Variants in KRR1 observed in about 807,000 individuals in gnomAD.
KRR1 encodes KRR1 small subunit processome component.
A neutral mutation model predicts 50.0 loss-of-function variants in KRR1; 23 were observed. The observed-to-expected ratio is 0.46, with a 90% CI of 0.33 to 0.65. KRR1 has a LOEUF of 0.65. Ranked by LOEUF, KRR1 falls within the 30% of genes least tolerant of loss-of-function variation. KRR1 has a pLI of 0.02. For synonymous variants in KRR1, 133 were observed against 146.3 expected (o/e 0.91, Z 0.66); for missense variants, 419 against 442.4 (o/e 0.95, Z 0.47).
At position 75,499,431 on chromosome 12, in the gene KRR1, T is replaced by G. The variant is rs569457249; in HGVS notation, c.*378A>C. On this transcript the variant is annotated 3_prime_UTR_variant, in exon 10 of 10. Transcript: ENST00000229214. Reference sequence around the variant, plus strand: ...CTAGGGGATCTGATTTTAGAGGCCTTAATTTTCTGTTCATGGACTGTTAAA... The same window carrying G: ...CTAGGGGATCTGATTTTAGAGGCCTGAATTTTCTGTTCATGGACTGTTAAA... 3 of 160,768 alleles carry G rather than the reference T, an allele frequency of 1.9e-5. No individual in the cohort carries two copies. Among genetic ancestry groups the G allele is most frequent in the Non-Finnish European group, 4.0e-5 (3 of 74,330 alleles). 10.0% of individuals were successfully genotyped at this position (160,768 alleles called of 1,614,324 possible).
chr12:75,492,774 T>A lies in KRR1; in HGVS notation c.*7035A>T, dbSNP rs918900078. On this transcript the variant is annotated 3_prime_UTR_variant, in exon 10 of 10. Transcript: ENST00000229214. ...TGAGCTCCAAAGGAGAACAGGGCAG[T>A]CTCTGTCTTTATGAGAGTAATATTT... 1 of 152,144 alleles carries A rather than the reference T, an allele frequency of 6.6e-6. No homozygotes were observed. The highest frequency in any genetic ancestry group is 1.5e-5 in the Non-Finnish European group (1 of 68,030). The allele number at this position is 152,144 out of a possible 1,614,324, so 9.4% of individuals were successfully genotyped here.
Position 75,511,606 on chromosome 12 carries a change from T to C in KRR1, c.-9A>G, listed in dbSNP as rs1255747849. ...AGCGAGGGAGACGCCATTTGCAAGC[T>C]GCTTCCGGTGGCTCCGGAAATGAAA... is the stretch of plus-strand genomic sequence containing the variant. On this transcript the variant is annotated 5_prime_UTR_variant, in exon 1 of 10. Transcript: ENST00000229214. The C allele has an allele frequency of 6.2e-7, 1 of 1,609,700 alleles. No individual in the cohort carries two copies. The highest frequency in any genetic ancestry group is 1.7e-5 in the Admixed American group (1 of 57,738).
intron 3 of KRR1, 42 bp from the exon 4 acceptor site, chr12:75,506,651 T>A (rs1199247627): frequency 1.3e-6 from 2 of 1,546,490 alleles, no homozygotes; most frequent in East Asian, 4.6e-5. Flanking sequence ...TTATCAACAT[T>A]TTTTACAATT....
Position 75,496,415 on chromosome 12 carries a change from A to G in KRR1, c.*3394T>C, listed in dbSNP as rs1354006688. On this transcript the variant is annotated 3_prime_UTR_variant, in exon 10 of 10. Coordinates refer to ENST00000229214, the MANE Select transcript of KRR1 (RefSeq NM_007043.7). ...ACTTTTTATTAGCCAGACAGCATTT[A>G]ATGAAGAAGTGTAGAAGCTGCAAGC... 6.6e-6 allele frequency: 1 copy of G among 152,108 alleles called. No individual in the cohort carries two copies. The highest frequency in any genetic ancestry group is 1.9e-4 in the East Asian group (1 of 5,166). 9.4% of individuals were successfully genotyped at this position (152,108 alleles called of 1,614,324 possible). A position where few individuals can be genotyped will look rare whatever the true frequency, so the allele number is the denominator to read the frequency against.
rs952137357 is a variant in KRR1 at position 75,491,542 on chromosome 12, A to C, written c.*8267T>G. Reference sequence around the variant, plus strand: ...GAGATACTAGCACGTAAAGACTGTGACCATTTTTGTTTTAAGTACATATTG... The same window carrying C: ...GAGATACTAGCACGTAAAGACTGTGCCCATTTTTGTTTTAAGTACATATTG... On this transcript the variant is annotated 3_prime_UTR_variant, in exon 10 of 10. Coordinates refer to ENST00000229214, the MANE Select transcript of KRR1 (RefSeq NM_007043.7). 3 of 152,178 alleles carry C rather than the reference A, an allele frequency of 2.0e-5. No individual in the cohort carries two copies. The highest frequency in any genetic ancestry group is 7.2e-5 in the African/African-American group (3 of 41,434). 9.4% of individuals were successfully genotyped at this position (152,178 alleles called of 1,614,324 possible). A position where few individuals can be genotyped will look rare whatever the true frequency, so the allele number is the denominator to read the frequency against.
rs1026002303 is a variant in KRR1 at position 75,499,697 on chromosome 12, C to G, written c.*112G>C. 1 of 608,794 alleles carries G rather than the reference C, an allele frequency of 1.6e-6. No homozygotes were observed. Among genetic ancestry groups the G allele is most frequent in the Non-Finnish European group, 2.6e-6 (1 of 384,050 alleles). 37.7% of individuals were successfully genotyped at this position (608,794 alleles called of 1,614,324 possible). ...ACTCTTCTATGAACAACCACCACCA[C>G]CAAAAAAAAAAAAAGCCCTCAGAAA... is the stretch of plus-strand genomic sequence containing the variant. On this transcript the variant is annotated 3_prime_UTR_variant, in exon 10 of 10. Coordinates refer to ENST00000229214, the MANE Select transcript of KRR1 (RefSeq NM_007043.7).
Position 75,494,392 on chromosome 12 carries a change from A to G in KRR1, c.*5417T>C, listed in dbSNP as rs1221086820. On this transcript the variant is annotated 3_prime_UTR_variant, in exon 10 of 10. Coordinates refer to ENST00000229214, the MANE Select transcript of KRR1 (RefSeq NM_007043.7). ...AACGTGACTCTGACTTAGCAGTATCATCTTTGTAAATATCAGATATTTTCA... is the reference window on the plus strand; with the variant it reads ...AACGTGACTCTGACTTAGCAGTATCGTCTTTGTAAATATCAGATATTTTCA... The G allele has an allele frequency of 6.6e-6, 1 of 152,212 alleles. No individual in the cohort carries two copies. The highest frequency in any genetic ancestry group is 1.9e-4 in the East Asian group (1 of 5,190). The allele number at this position is 152,212 out of a possible 1,614,324, so 9.4% of individuals were successfully genotyped here. A position where few individuals can be genotyped will look rare whatever the true frequency, so the allele number is the denominator to read the frequency against.
chr12:75,500,747 A>T (rs1410212473), intron 9 of KRR1: 1 of 152,046 alleles, frequency 6.6e-6, no homozygotes. Flanking sequence ...CACAGCATAA[A>T]AGAATCATAA....
chr12:75,501,751 C>T lies in KRR1; in HGVS notation c.975G>A (p.Lys325=). ...CCTTAGGTTTCACAATTGGTTTTTC[C>T]TTAGGTGGAATAAATGCTTTGTTTC... ...EERNKAFIPP[K]EKPIVKPKEA... Residue 325 remains lysine, a synonymous_variant, in exon 9 of 10, where the codon AAG becomes AAA. Transcript: ENST00000229214. 1 of 1,610,440 alleles carries T rather than the reference C, an allele frequency of 6.2e-7. No homozygotes were observed. Among genetic ancestry groups the T allele is most frequent in the Non-Finnish European group, 8.5e-7 (1 of 1,177,896 alleles).
rs988929383 is a variant in KRR1 at position 75,498,277 on chromosome 12, G to C, written c.*1532C>G. ...GATTTAGTGATATACTAGACTGGATGAAAGAGAGGTCACTGTCTTTTCACT... is the reference window on the plus strand; with the variant it reads ...GATTTAGTGATATACTAGACTGGATCAAAGAGAGGTCACTGTCTTTTCACT... On this transcript the variant is annotated 3_prime_UTR_variant, in exon 10 of 10. Coordinates refer to ENST00000229214, the MANE Select transcript of KRR1 (RefSeq NM_007043.7). 1.3e-5 allele frequency: 2 copies of C among 156,092 alleles called. No homozygotes were observed. The highest frequency in any genetic ancestry group is 6.5e-5 in the Admixed American group (1 of 15,468). 9.7% of individuals were successfully genotyped at this position (156,092 alleles called of 1,614,324 possible).
Position 75,499,818 on chromosome 12 carries a change from T to TTTC in KRR1, c.1134_1136dup (p.Lys381dup). On this transcript the variant is annotated inframe_insertion, in exon 10 of 10. Coordinates refer to ENST00000229214, the MANE Select transcript of KRR1 (RefSeq NM_007043.7). Reference sequence around the variant, plus strand: ...AGGAGTTTTGGGTATGTTACTTTTTTTTCTTCTTTTTCTTTTCATCTGCCT... The same window carrying TTTC: ...AGGAGTTTTGGGTATGTTACTTTTTTTTCTTCTTCTTTTTCTTTTCATCTGCCT... The TTTC allele has an allele frequency of 6.3e-7, 1 of 1,599,182 alleles. No individual in the cohort carries two copies. The highest frequency in any genetic ancestry group is 1.4e-5 in the African/African-American group (1 of 73,840).
In KRR1 at chr12:75,501,945, C is replaced by T. The variant is rs370477950; in HGVS notation, c.887G>A (p.Arg296Gln). The part of the protein sequence containing the change: ...EYFLKANQKK[R>Q]QKMEAIKAKQ... Reference sequence around the variant, plus strand: ...TACCTTTATTGCTTCCATTTTCTGCCGCTTCTTCTGATTTGCCTTCAAAAA... The same window carrying T: ...TACCTTTATTGCTTCCATTTTCTGCTGCTTCTTCTGATTTGCCTTCAAAAA... Residue 296 changes from arginine to glutamine, a missense_variant, in exon 8 of 10, where the codon CGG becomes CAG. Physicochemically the swap from Arg to Gln is conservative, Grantham distance 43 (BLOSUM62 1). Transcript: ENST00000229214. The T allele has an allele frequency of 3.7e-5, 59 of 1,612,312 alleles. No homozygotes were observed. Among genetic ancestry groups the T allele is most frequent in the Non-Finnish European group, 4.2e-5 (49 of 1,179,038 alleles).
chr12:75,508,561 C>A, intron 1 of KRR1, 115 bp from the exon 2 acceptor site: 1 of 600,760 alleles, frequency 1.7e-6, no homozygotes. Flanking sequence ...ATTCACAAAC[C>A]TTCCAATACT....
chr12:75,508,183 A>T, intron 2 of KRR1, 91 bp downstream of exon 2: 4 of 397,134 alleles, frequency 1.0e-5, no homozygotes, highest in East Asian at 8.5e-5. Flanking sequence ...AGCACCATTA[A>T]AAAAAAAAAA....
At chr12:75,506,637 G>C in intron 3 of KRR1, 28 bp from the exon 4 acceptor site, 1 of 1,171,926 alleles carries the variant, frequency 8.5e-7, no homozygotes, top group Non-Finnish European at 1.1e-6. Context: ...AAAAAAAGAA[G>C]ACATTATCAA....
In KRR1 at chr12:75,495,859, A is replaced by G. The variant is rs535509330; in HGVS notation, c.*3950T>C. On this transcript the variant is annotated 3_prime_UTR_variant, in exon 10 of 10. Coordinates refer to ENST00000229214, the MANE Select transcript of KRR1 (RefSeq NM_007043.7). ...TAAATGTGAAAATCACGTTCTTTTTATTTAGTTCTAATTGGTCAAACAACA... is the reference window on the plus strand; with the variant it reads ...TAAATGTGAAAATCACGTTCTTTTTGTTTAGTTCTAATTGGTCAAACAACA... 6.5e-4 allele frequency: 263 copies of G among 405,224 alleles called. 4 individuals are homozygous for G. The South Asian group carries it at 0.015, about 24-fold the overall frequency. The allele number at this position is 405,224 out of a possible 1,614,324, so 25.1% of individuals were successfully genotyped here.
intron 1 of KRR1, among the ~76,000 whole-genome samples, chr12:75,510,693 G>T (rs778800550): frequency 2.1e-4 from 32 of 152,182 alleles, no homozygotes; most frequent in Non-Finnish European, 3.5e-4. Context: ...GAGGGGTATG[G>T]TAATGCTCTA....
rs544893044 is a variant in KRR1, at chr12:75,498,839, T to A, written c.*970A>T. The A allele has an allele frequency of 6.8e-5, 110 of 1,612,536 alleles. 2 individuals carry two copies. In the South Asian group the frequency reaches 1.2e-3, roughly 17 times the overall value. ...TGTTTCACAGGTTACTACTCTGTTG[T>A]ATATCCAGGCTGGCCCATATATCCA... On this transcript the variant is annotated 3_prime_UTR_variant, in exon 10 of 10. Coordinates refer to ENST00000229214, the MANE Select transcript of KRR1 (RefSeq NM_007043.7).
rs2046353931 is a variant in KRR1 at position 75,496,738 on chromosome 12, G to T, written c.*3071C>A. ...GCCAAGTTCCACTGCACGAAATTTA[G>T]TTTGGAAAAAAGTGTTCCATTGCTC... On this transcript the variant is annotated 3_prime_UTR_variant, in exon 10 of 10. Coordinates refer to ENST00000229214, the MANE Select transcript of KRR1 (RefSeq NM_007043.7). 1 of 152,128 alleles carries T rather than the reference G, an allele frequency of 6.6e-6. No homozygotes were observed. The highest frequency in any genetic ancestry group is 6.5e-5 in the Admixed American group (1 of 15,270). The allele number at this position is 152,128 out of a possible 1,614,324, so 9.4% of individuals were successfully genotyped here.
Sources: gnomAD v4.1 joint callset for allele counts (sites outside exome capture counted in the v4.1 genomes callset) on GRCh38, gnomAD v4.1.1 for gene constraint, MANE v1.5 for transcripts, NCBI Gene and HGNC (gene_info 2026-07-23, HGNC 2026-07-21) for gene names.